The following KANK1 variants were observed in gnomAD, a reference collection of about 807,000 sequenced individuals.
KANK1 encodes KN motif and ankyrin repeat domains 1, also known as KN motif and ankyrin repeat domain-containing protein 1.
In KANK1, 109 loss-of-function variants were observed where a neutral mutation model predicts 106.2. That is an observed-to-expected ratio of 1.03 (90% CI 0.88 to 1.20). KANK1 has a LOEUF of 1.20. KANK1 is among the 50% of genes most tolerant of loss of function. The pLI is 0.00. For missense variants in KANK1, 2,399 were observed against 1,710.7 expected (o/e 1.40, Z -7.10); for synonymous variants, 873 against 652.2 (o/e 1.34, Z -5.16).
intron 2 of KANK1, among the ~76,000 whole-genome samples, chr9:687,290 T>C (rs1032268001): frequency 1.2e-4 from 18 of 152,166 alleles, no homozygotes; most frequent in Admixed American, 1.2e-3. Flanking sequence ...TTTGTGTATG[T>C]AAGGATGGCT....
At chr9:583,187 T>C (rs1009785023) in intron 1 of KANK1, among the ~76,000 whole-genome samples, 1 of 152,170 alleles carries the variant, frequency 6.6e-6, no homozygotes. Flanking sequence ...AATAATTCTG[T>C]TACCAAGTCT....
chr9:685,112 A>G (rs955780016), intron 2 of KANK1, among the ~76,000 whole-genome samples: 7 of 152,190 alleles, frequency 4.6e-5, no homozygotes, highest in African/African-American at 1.7e-4. Context: ...TCATTTCCAC[A>G]TGCTTTAGGA....
chr9:586,837 G>A (rs1178718170), intron 1 of KANK1, among the ~76,000 whole-genome samples: 1 of 152,048 alleles, frequency 6.6e-6, no homozygotes, highest in Non-Finnish European at 1.5e-5. Context: ...GATATCTTAG[G>A]CTCCCTTTTA....
intron 1 of KANK1, among the ~76,000 whole-genome samples, chr9:550,690 G>A (rs188292800): frequency 1.3e-5 from 2 of 152,306 alleles, no homozygotes; most frequent in Admixed American, 1.3e-4. Context: ...GCAAGGTAGT[G>A]GCCAGCAGCC....
At chr9:534,541 G>C (rs572958932) in intron 1 of KANK1, among the ~76,000 whole-genome samples, 2 of 152,210 alleles carry the variant, frequency 1.3e-5, no homozygotes, top group Non-Finnish European at 2.9e-5. Flanking sequence ...TACCAGCAGA[G>C]AATTATTTAA....
intron 1 of KANK1, among the ~76,000 whole-genome samples, chr9:580,766 G>T (rs930576435): frequency 6.6e-6 from 1 of 152,246 alleles, no homozygotes; most frequent in Non-Finnish European, 1.5e-5. Context: ...CGCGCTGTGC[G>T]CCCGCACTCC....
rs116201822 is a variant in KANK1, at chr9:672,596, T to G, written c.-83-4294T>G. 3.1e-3 allele frequency among the ~76,000 whole-genome samples: 477 copies of G among 152,308 alleles called. 1 individual carries two copies. Among genetic ancestry groups the G allele is most frequent in the African/African-American group, 0.011 (466 of 41,558 alleles). On this transcript the variant is annotated intron_variant, in intron 1 of 11. Coordinates refer to ENST00000382297, the MANE Select transcript of KANK1 (RefSeq NM_015158.5). Reference sequence around the variant, plus strand: ...TTGTTTCTAACTGAGATAGTGGCATTTGATAGTTTAGCAGTGCTAGAGTAT... The same window carrying G: ...TTGTTTCTAACTGAGATAGTGGCATGTGATAGTTTAGCAGTGCTAGAGTAT...
intron 1 of KANK1, among the ~76,000 whole-genome samples, chr9:510,561 G>A (rs2058984874): frequency 6.6e-6 from 1 of 152,210 alleles, no homozygotes; most frequent in South Asian, 2.1e-4. Flanking sequence ...CTAGGGAGCA[G>A]ACATCACTAA....
intron 1 of KANK1, among the ~76,000 whole-genome samples, chr9:588,714 C>T (rs945777056): frequency 6.6e-6 from 1 of 152,136 alleles, no homozygotes; most frequent in Non-Finnish European, 1.5e-5. Flanking sequence ...CCCACTTTGC[C>T]ACTAACAGAA....
intron 1 of KANK1, among the ~76,000 whole-genome samples, chr9:624,660 G>A (rs10975466): frequency 0.059 from 8,947 of 151,900 alleles, 722 homozygotes; most frequent in East Asian, 0.24. Flanking sequence ...AAAATTAGTC[G>A]GGCGTAGTCA....
chr9:485,744 G>A (rs2058281507), intron 3 of KANK1, among the ~76,000 whole-genome samples: 1 of 152,024 alleles, frequency 6.6e-6, no homozygotes, highest in African/African-American at 2.4e-5. Flanking sequence ...GGTGGCGCAT[G>A]CCTGTAATCC....
At chr9:485,886 AGAAAAG>A (rs2058285604) in intron 3 of KANK1, among the ~76,000 whole-genome samples, 1 of 148,534 alleles carries the variant, frequency 6.7e-6, no homozygotes, top group Non-Finnish European at 1.5e-5. Context: ...AAAAAAAAAA[AGAAAAG>A]AAAAAGAGAG....
chr9:732,348 G>A (rs755071617), intron 5 of KANK1, 30 bp from the exon 6 acceptor site: 3 of 1,597,222 alleles, frequency 1.9e-6, no homozygotes, highest in African/African-American at 1.3e-5. Context: ...AGCACACCTT[G>A]CATCTCCTGA....
At chr9:570,753 C>T (rs1168702245) in intron 1 of KANK1, among the ~76,000 whole-genome samples, 3 of 152,056 alleles carry the variant, frequency 2.0e-5, no homozygotes, top group Admixed American at 2.0e-4. Flanking sequence ...TTAGATAATG[C>T]CTAAATTATG....
chr9:548,312 C>T (rs543990995), intron 1 of KANK1, among the ~76,000 whole-genome samples: 3 of 152,258 alleles, frequency 2.0e-5, no homozygotes, highest in East Asian at 3.9e-4. Flanking sequence ...CCAGCTTTTT[C>T]TTGGTGTTAT....
Position 498,923 on chromosome 9 carries a change from A to G in KANK1, c.-362+25650A>G, listed in dbSNP as rs527944152. On this transcript the variant is annotated intron_variant, in intron 3 of 15. Coordinates refer to the KANK1 transcript ENST00000382303. Reference sequence around the variant, plus strand: ...CTGGGCGAGGTGGCTCACGCCTTTAATCCCAGCACTTTGGGAGGCCGAGGA... The same window carrying G: ...CTGGGCGAGGTGGCTCACGCCTTTAGTCCCAGCACTTTGGGAGGCCGAGGA... 2.0e-5 allele frequency among the ~76,000 whole-genome samples: 3 copies of G among 152,320 alleles called. No individual in the cohort carries two copies. The South Asian group carries it at 6.2e-4, about 32-fold the overall frequency.
rs36072780 is a variant in KANK1, at chr9:528,469, C to CTTTTTTTTTT, written c.-84+23736_-84+23745dup. The stretch of plus-strand genomic sequence containing the variant: ...ACCATTTTACTGAATTAAAAAATAA[C>CTTTTTTTTTT]TTTTTTTTTTTTTTTTTTTTTTTTT... On this transcript the variant is annotated intron_variant, in intron 1 of 11. Transcript: ENST00000382297. Among the ~76,000 whole-genome samples, 197 of 85,126 alleles carry CTTTTTTTTTT rather than the reference C, an allele frequency of 2.3e-3. 9 individuals carry two copies. The highest frequency in any genetic ancestry group is 4.3e-3 in the Non-Finnish European group (177 of 41,370). The allele number at this position is 85,126 out of a possible 152,430, so 55.8% of individuals were successfully genotyped here. A position where few individuals can be genotyped will look rare whatever the true frequency, so the allele number is the denominator to read the frequency against.
chr9:743,063 A>G (rs551970083), intron 10 of KANK1, among the ~76,000 whole-genome samples: 2 of 152,280 alleles, frequency 1.3e-5, no homozygotes, highest in East Asian at 3.9e-4. Flanking sequence ...TCTCTAGGCC[A>G]AAGGACAGGA....
intron 3 of KANK1, among the ~76,000 whole-genome samples, chr9:727,087 C>T (rs1169626036): frequency 2.0e-5 from 3 of 152,156 alleles, no homozygotes; most frequent in Admixed American, 6.5e-5. Context: ...TTTGTAATGG[C>T]CATATAGAAT....
Sources: gnomAD v4.1 joint callset for allele counts (sites outside exome capture counted in the v4.1 genomes callset) on GRCh38, gnomAD v4.1.1 for gene constraint, MANE v1.5 for transcripts, NCBI Gene and HGNC (gene_info 2026-07-23, HGNC 2026-07-21) for gene names.